The following LRRC40 variants were observed in gnomAD, a reference collection of about 807,000 sequenced individuals.
The protein encoded by LRRC40 is leucine rich repeat containing 40.
Under a neutral mutation model 72.8 loss-of-function variants are expected in LRRC40, and 76 were observed. The ratio of observed to expected loss-of-function variants is 1.04; its 90% CI spans 0.87 to 1.26. The LOEUF is 1.26. Among genes scored for constraint, LRRC40 ranks in the 50% most tolerant of loss-of-function variants. The pLI, the probability that LRRC40 is intolerant of heterozygous loss-of-function variation, is 0.00. For synonymous variants in LRRC40, 243 were observed against 254.2 expected, an observed-to-expected ratio of 0.96 and a Z score of 0.42; for missense variants, 684 against 698.9, an observed-to-expected ratio of 0.98 and a Z score of 0.24.
intron 1 of LRRC40, among the ~76,000 whole-genome samples, chr1:70,200,811 G>A (rs886807675): frequency 2.0e-5 from 3 of 152,078 alleles, no homozygotes; most frequent in Admixed American, 6.6e-5. Flanking sequence ...TAGAGAGAGA[G>A]AAAAAAAGAG....
intron 7 of LRRC40, among the ~76,000 whole-genome samples, chr1:70,174,258 G>A (rs903111454): frequency 1.3e-5 from 2 of 151,924 alleles, no homozygotes; most frequent in South Asian, 4.1e-4. Context: ...CTGGTATAGC[G>A]ATATCAAGAT....
chr1:70,149,757 G>C (rs1233320209), intron 13 of LRRC40, among the ~76,000 whole-genome samples: 1 of 151,978 alleles, frequency 6.6e-6, no homozygotes, highest in Non-Finnish European at 1.5e-5. Flanking sequence ...ATTAAAATGA[G>C]CAATATTTTA....
intron 1 of LRRC40, 25 bp from the exon 2 acceptor site, chr1:70,189,298 GAAA>G (rs745450367): frequency 0.022 from 16,238 of 745,294 alleles, no homozygotes; most frequent in South Asian, 0.036. Flanking sequence ...ACCACACCAG[GAAA>G]AAAAAAAAAA....
In LRRC40 at chr1:70,154,859, T is replaced by C. The variant is rs149422690; in HGVS notation, c.1328+830A>G. 2.0e-5 allele frequency among the ~76,000 whole-genome samples: 3 copies of C among 152,238 alleles called. No individual in the cohort carries two copies. In the East Asian group the frequency reaches 5.8e-4, roughly 29 times the overall value. ...GTTTAATTCTTATAAACAGGCACTA[T>C]TATTATCCCTATTTCACAGGTGAGA... On this transcript the variant is annotated intron_variant, in intron 11 of 14. Coordinates refer to ENST00000370952, the MANE Select transcript of LRRC40 (RefSeq NM_017768.5).
At chr1:70,158,322 A>G (rs1667685751) in intron 10 of LRRC40, among the ~76,000 whole-genome samples, 3 of 152,090 alleles carry the variant, frequency 2.0e-5, no homozygotes, top group Admixed American at 1.3e-4. Context: ...GATAGTTCCT[A>G]CTGATACATT....
intron 1 of LRRC40, 52 bp downstream of exon 1, chr1:70,205,338 G>C (rs1558133764): frequency 6.7e-7 from 1 of 1,487,414 alleles, no homozygotes; most frequent in Non-Finnish European, 9.1e-7. Flanking sequence ...GGTTGCCTGG[G>C]CCAAAGGCTT....
chr1:70,159,317 A>G lies in LRRC40; in HGVS notation c.1220+13T>C. On this transcript the variant is annotated intron_variant, in intron 10 of 14. Coordinates refer to ENST00000370952, the MANE Select transcript of LRRC40 (RefSeq NM_017768.5). Reference sequence around the variant, plus strand: ...TATCTCTATAAAAATAAAAATAATAATAAATTACATACCTATAGTCTAATA... The same window carrying G: ...TATCTCTATAAAAATAAAAATAATAGTAAATTACATACCTATAGTCTAATA... 1 of 1,173,552 alleles carries G rather than the reference A, an allele frequency of 8.5e-7. No homozygotes were observed. Among genetic ancestry groups the G allele is most frequent in the Non-Finnish European group, 1.2e-6 (1 of 821,128 alleles). The allele number at this position is 1,173,552 out of a possible 1,614,324, so 72.7% of individuals were successfully genotyped here. A position where few individuals can be genotyped will look rare whatever the true frequency, so the allele number is the denominator to read the frequency against.
intron 9 of LRRC40, among the ~76,000 whole-genome samples, chr1:70,167,646 T>G (rs1264174687): frequency 6.6e-6 from 1 of 152,138 alleles, no homozygotes; most frequent in Non-Finnish European, 1.5e-5. Context: ...GGAGTCTTGC[T>G]CTGAGTTGCC....
intron 7 of LRRC40, 42 bp from the exon 8 acceptor site, chr1:70,173,751 A>C: frequency 1.1e-6 from 1 of 950,720 alleles, no homozygotes; most frequent in Non-Finnish European, 1.6e-6. Context: ...CATCAAATAT[A>C]AGTATACTCC....
At chr1:70,188,963 C>T in intron 2 of LRRC40, 129 bp downstream of exon 2, 1 of 722,290 alleles carries the variant, frequency 1.4e-6, no homozygotes. Context: ...TATGCTATGC[C>T]TAGAATGATA....
chr1:70,159,323 TAC>T lies in LRRC40; in HGVS notation c.1220+5_1220+6del. 1 of 1,212,248 alleles carries T rather than the reference TAC, an allele frequency of 8.2e-7. No homozygotes were observed. Among genetic ancestry groups the T allele is most frequent in the Non-Finnish European group, 1.2e-6 (1 of 846,586 alleles). The allele number at this position is 1,212,248 out of a possible 1,614,324, so 75.1% of individuals were successfully genotyped here. On this transcript the variant is annotated splice_donor_5th_base_variant and intron_variant, in intron 10 of 14. Coordinates refer to ENST00000370952, the MANE Select transcript of LRRC40 (RefSeq NM_017768.5). ...TATAAAAATAAAAATAATAATAAAT[TAC>T]ATACCTATAGTCTAATATTTTTAAT...
At chr1:70,163,322 T>C (rs929057019) in intron 9 of LRRC40, among the ~76,000 whole-genome samples, 4 of 152,062 alleles carry the variant, frequency 2.6e-5, no homozygotes, top group African/African-American at 9.7e-5. Flanking sequence ...CTCCTGACCT[T>C]CTGATCCGCC....
chr1:70,181,253 A>T (rs748110317), intron 4 of LRRC40, 44 bp from the exon 5 acceptor site: 1 of 1,200,542 alleles, frequency 8.3e-7, no homozygotes, highest in Non-Finnish European at 1.1e-6. Flanking sequence ...ACAAGTAAAA[A>T]AATAAATAAA....
intron 2 of LRRC40, among the ~76,000 whole-genome samples, chr1:70,188,622 G>A (rs1668421726): frequency 1.3e-5 from 2 of 151,940 alleles, no homozygotes; most frequent in Non-Finnish European, 2.9e-5. Context: ...TATAGTCCCA[G>A]CTACTTGGGA....
intron 4 of LRRC40, 107 bp from the exon 5 acceptor site, chr1:70,181,316 A>G (rs1457770637): frequency 5.1e-6 from 3 of 588,530 alleles, no homozygotes; most frequent in Non-Finnish European, 8.3e-6. Flanking sequence ...CATAAAAGAG[A>G]CTACTTAAGA....
chr1:70,155,401 T>A (rs1667614816), intron 11 of LRRC40, among the ~76,000 whole-genome samples: 1 of 152,100 alleles, frequency 6.6e-6, no homozygotes, highest in Non-Finnish European at 1.5e-5. Flanking sequence ...TTTCATTATA[T>A]GGGAAAAATA....
At chr1:70,159,514 AAC>A (rs1432409615) in intron 9 of LRRC40, 76 bp from the exon 10 acceptor site, 1 of 631,664 alleles carries the variant, frequency 1.6e-6, no homozygotes, top group Non-Finnish European at 2.8e-6. Flanking sequence ...AATATATTAA[AAC>A]AGTGTACGTG....
intron 6 of LRRC40, among the ~76,000 whole-genome samples, chr1:70,178,407 T>C (rs960925273): frequency 6.6e-6 from 1 of 152,146 alleles, no homozygotes; most frequent in Non-Finnish European, 1.5e-5. Flanking sequence ...AAAAGGCAAA[T>C]CATGGCAAAT....
At chr1:70,181,304 A>C (rs1668240947) in intron 4 of LRRC40, 95 bp from the exon 5 acceptor site, 2 of 693,842 alleles carry the variant, frequency 2.9e-6, no homozygotes, top group African/African-American at 3.7e-5. Flanking sequence ...AAGGAATTAC[A>C]ACATAAAAGA....
Sources: gnomAD v4.1 joint callset for allele counts (sites outside exome capture counted in the v4.1 genomes callset) on GRCh38, gnomAD v4.1.1 for gene constraint, MANE v1.5 for transcripts, NCBI Gene and HGNC (gene_info 2026-07-23, HGNC 2026-07-21) for gene names.